The following SH3BGRL2 variants were observed in gnomAD, a reference collection of about 807,000 sequenced individuals.
SH3BGRL2 encodes SH3 domain binding glutamate rich protein like 2, also known as SH3 domain-binding glutamic acid-rich-like protein 2.
A neutral mutation model predicts 14.8 loss-of-function variants in SH3BGRL2; 21 were observed. The ratio of observed to expected loss-of-function variants is 1.42; its 90% CI spans 1.01 to 2.05. SH3BGRL2 has a LOEUF of 2.05. SH3BGRL2 is among the 30% of genes most tolerant of loss of function. The probability of loss-of-function intolerance (pLI) is 0.00; values close to 1 mark genes in which losing one functional copy is unlikely to be tolerated. For missense variants in SH3BGRL2, 147 were observed against 130.8 expected (o/e 1.12, Z -0.61); for synonymous variants, 50 against 47.8 (o/e 1.05, Z -0.19).
the SH3BGRL2 span, among the ~76,000 whole-genome samples, chr6:79,625,413 C>A: frequency 2.6e-5 from 4 of 152,018 alleles, no homozygotes; most frequent in African/African-American, 4.8e-5. Context: ...TAGATAAATT[C>A]TCTTTTTATG....
intron 1 of SH3BGRL2, among the ~76,000 whole-genome samples, chr6:79,633,551 T>C (rs1289246738): frequency 6.6e-6 from 1 of 152,210 alleles, no homozygotes; most frequent in Non-Finnish European, 1.5e-5. Flanking sequence ...GCATGTGTTC[T>C]GACATGGTTT....
chr6:79,600,113 C>T, the SH3BGRL2 span, among the ~76,000 whole-genome samples: 1 of 152,216 alleles, frequency 6.6e-6, no homozygotes, highest in Admixed American at 6.5e-5. Flanking sequence ...ACTATCAGTA[C>T]TGCACAAAGC....
At chr6:79,655,234 T>C (rs1040427807) in intron 1 of SH3BGRL2, among the ~76,000 whole-genome samples, 2 of 152,252 alleles carry the variant, frequency 1.3e-5, no homozygotes, top group African/African-American at 4.8e-5. Context: ...AGAGGTTTCA[T>C]GGGCTGCTGA....
chr6:79,693,678 T>G (rs1357730174), intron 2 of SH3BGRL2, among the ~76,000 whole-genome samples: 1 of 152,244 alleles, frequency 6.6e-6, no homozygotes, highest in Non-Finnish European at 1.5e-5. Flanking sequence ...TTGCATATAT[T>G]GAACCAGCCA....
the SH3BGRL2 span, among the ~76,000 whole-genome samples, chr6:79,590,748 G>T: frequency 6.6e-6 from 1 of 151,800 alleles, no homozygotes. Flanking sequence ...TGGGTAATGG[G>T]ATCATCCATA....
intron 1 of SH3BGRL2, among the ~76,000 whole-genome samples, chr6:79,640,978 C>G (rs989030608): frequency 2.6e-5 from 4 of 152,160 alleles, no homozygotes; most frequent in African/African-American, 9.7e-5. Context: ...TTGCTACATA[C>G]TGATCTAATA....
chr6:79,582,050 A>G, the SH3BGRL2 span, among the ~76,000 whole-genome samples: 1 of 152,208 alleles, frequency 6.6e-6, no homozygotes, highest in East Asian at 1.9e-4. Context: ...CACTAAGAGA[A>G]TAAAATACCT....
At chr6:79,674,574 A>G (rs1769843334) in intron 2 of SH3BGRL2, among the ~76,000 whole-genome samples, 1 of 152,208 alleles carries the variant, frequency 6.6e-6, no homozygotes, top group Non-Finnish European at 1.5e-5. Flanking sequence ...CTAAAGAAGA[A>G]GGAGCCACAG....
intron 1 of SH3BGRL2, among the ~76,000 whole-genome samples, chr6:79,632,341 A>G (rs1383813628): frequency 1.3e-5 from 2 of 152,220 alleles, no homozygotes; most frequent in African/African-American, 2.4e-5. Flanking sequence ...AGTATATTTG[A>G]CAGCCCACTA....
At chr6:79,647,603 T>C (rs1399573354) in intron 1 of SH3BGRL2, among the ~76,000 whole-genome samples, 1 of 152,080 alleles carries the variant, frequency 6.6e-6, no homozygotes, top group African/African-American at 2.4e-5. Flanking sequence ...CACAGGCTCA[T>C]ATGGAATATA....
the SH3BGRL2 span, among the ~76,000 whole-genome samples, chr6:79,591,447 G>A: frequency 1.3e-5 from 2 of 151,858 alleles, no homozygotes; most frequent in Non-Finnish European, 2.9e-5. Flanking sequence ...GTCTTGCTCT[G>A]CGCCAGGCTG....
At chr6:79,541,437 T>C in the SH3BGRL2 span, among the ~76,000 whole-genome samples, 2 of 152,324 alleles carry the variant, frequency 1.3e-5, no homozygotes, top group African/African-American at 2.4e-5. Flanking sequence ...CTCAATGTTA[T>C]TAAAATTTTT....
At chr6:79,606,657 A>G in the SH3BGRL2 span, among the ~76,000 whole-genome samples, 1 of 152,240 alleles carries the variant, frequency 6.6e-6, no homozygotes, top group Non-Finnish European at 1.5e-5. Flanking sequence ...TACTTGATAC[A>G]GTAATTTTTG....
the SH3BGRL2 span, among the ~76,000 whole-genome samples, chr6:79,551,088 A>G: frequency 1.2e-4 from 18 of 152,352 alleles, no homozygotes; most frequent in South Asian, 3.5e-3. Flanking sequence ...CACCATTTCA[A>G]GGATCCCAGG....
chr6:79,592,082 T>A, the SH3BGRL2 span, among the ~76,000 whole-genome samples: 1 of 152,192 alleles, frequency 6.6e-6, no homozygotes, highest in African/African-American at 2.4e-5. Context: ...CTAATAGAGA[T>A]GATAAAAGAT....
At chr6:79,683,136 A>G (rs535154036) in intron 2 of SH3BGRL2, among the ~76,000 whole-genome samples, 3 of 152,194 alleles carry the variant, frequency 2.0e-5, no homozygotes, top group African/African-American at 7.2e-5. Context: ...AATATGGTAC[A>G]TGTATACCTA....
chr6:79,616,156 A>G, the SH3BGRL2 span, among the ~76,000 whole-genome samples: 1 of 152,172 alleles, frequency 6.6e-6, no homozygotes, highest in Non-Finnish European at 1.5e-5. Flanking sequence ...TTTTGTAATA[A>G]TGTGGGCTGA....
the SH3BGRL2 span, among the ~76,000 whole-genome samples, chr6:79,550,824 A>G: frequency 1.2e-4 from 19 of 152,106 alleles, no homozygotes; most frequent in Admixed American, 7.2e-4. Flanking sequence ...TGTCATGATC[A>G]TGGTATCTGT....
intron 1 of SH3BGRL2, among the ~76,000 whole-genome samples, chr6:79,641,732 C>CAGT (rs1030024716): frequency 9.2e-5 from 14 of 152,050 alleles, no homozygotes; most frequent in South Asian, 2.1e-4. Context: ...TAATCATCTT[C>CAGT]AGTAGTAGTA....
Sources: gnomAD v4.1 joint callset for allele counts (sites outside exome capture counted in the v4.1 genomes callset) on GRCh38, gnomAD v4.1.1 for gene constraint, MANE v1.5 for transcripts, NCBI Gene and HGNC (gene_info 2026-07-23, HGNC 2026-07-21) for gene names.